KMT2E: variants seen among roughly 807,000 people sequenced by gnomAD.
KMT2E encodes lysine methyltransferase 2E (inactive), also known as histone reader KMT2E.
In KMT2E, 30 loss-of-function variants were observed where a neutral mutation model predicts 184.6. That is an observed-to-expected ratio of 0.16 (90% CI 0.12 to 0.22). KMT2E has a LOEUF of 0.22. Among genes scored for constraint, KMT2E ranks in the 10% least tolerant of loss-of-function variants. The pLI is 1.00. For missense variants in KMT2E, 2,023 were observed against 2,237.4 expected (o/e 0.90, Z 1.93); for synonymous variants, 815 against 776.5 (o/e 1.05, Z -0.82).
chr7:105,080,873 C>T (rs186050911), intron 12 of KMT2E, among the ~76,000 whole-genome samples: 55 of 152,060 alleles, frequency 3.6e-4, no homozygotes, highest in South Asian at 1.7e-3. Flanking sequence ...TGTGGTGGCA[C>T]GCACCTGTAG....
In KMT2E at chr7:105,041,129, A is replaced by G. The variant is rs570397292; in HGVS notation, c.71+106A>G. ...GAAAATATTAAATTTCTTCTTTCCT[A>G]GCCATTTTTTAAAGTAAAAAAAAAA... On this transcript the variant is annotated intron_variant, in intron 3 of 26. Coordinates refer to ENST00000311117, the MANE Select transcript of KMT2E (RefSeq NM_182931.3). 19 of 619,876 alleles carry G rather than the reference A, an allele frequency of 3.1e-5. No individual in the cohort carries two copies. In the East Asian group the frequency reaches 5.4e-4, roughly 18 times the overall value. 38.4% of individuals were successfully genotyped at this position (619,876 alleles called of 1,614,324 possible). A position where few individuals can be genotyped will look rare whatever the true frequency, so the allele number is the denominator to read the frequency against.
intron 1 of KMT2E, among the ~76,000 whole-genome samples, chr7:105,037,604 C>T (rs1795712576): frequency 6.6e-6 from 1 of 152,284 alleles, no homozygotes; most frequent in African/African-American, 2.4e-5. Context: ...CTCAAGTAGT[C>T]TGCCTGCCTC....
At position 105,114,512 on chromosome 7, in the gene KMT2E, T is replaced by C. The variant is rs141198772; in HGVS notation, c.*1179T>C. ...AGTGAACGTTTTTATTGCTAAAATA[T>C]AAAATGCTAGTTAGTTATTAATTAT... On this transcript the variant is annotated 3_prime_UTR_variant, in exon 27 of 27. Coordinates refer to ENST00000311117, the MANE Select transcript of KMT2E (RefSeq NM_182931.3). Among the ~76,000 whole-genome samples, 637 of 152,292 alleles carry C rather than the reference T, an allele frequency of 4.2e-3. 21 individuals are homozygous for C. The East Asian group carries it at 0.073, about 18-fold the overall frequency.
At chr7:105,046,997 C>T (rs917535747) in intron 3 of KMT2E, among the ~76,000 whole-genome samples, 3 of 152,080 alleles carry the variant, frequency 2.0e-5, no homozygotes, top group South Asian at 2.1e-4. Context: ...GAATCCAAAG[C>T]GAAATCAGCA....
chr7:105,112,649 A>T lies in KMT2E; in HGVS notation c.4893A>T (p.Pro1631=), dbSNP rs771928015. Residue 1631 remains proline (P), a synonymous_variant, in exon 27 of 27, where the codon CCA becomes CCT. Transcript: ENST00000311117. ...CTGCCGTAGTCCCCCCTCCTCCTCC[A>T]CCACCACCTGCTCCAGGACCGCACC... ...TAAAVVPPPP[P]PPPAPGPHLV... The T allele has an allele frequency of 3.7e-6, 6 of 1,612,784 alleles. No homozygotes were observed. In the Admixed American group the frequency reaches 5.0e-5, roughly 13 times the overall value.
chr7:105,022,833 T>C lies in KMT2E; in HGVS notation c.-189+8298T>C, dbSNP rs376269927. Among the ~76,000 whole-genome samples the C allele has an allele frequency of 3.3e-5, 5 of 152,320 alleles. No homozygotes were observed. In the East Asian group the frequency reaches 9.6e-4, roughly 29 times the overall value. ...TGATTTGTTTCTGGATAGTTGGGAT[T>C]GTGGGAGTTTCGTTTTCTTGTTTTT... On this transcript the variant is annotated intron_variant, in intron 1 of 26. Coordinates refer to ENST00000311117, the MANE Select transcript of KMT2E (RefSeq NM_182931.3).
At chr7:105,063,324 G>T in intron 4 of KMT2E, 27 bp from the exon 5 acceptor site, 1 of 1,427,764 alleles carries the variant, frequency 7.0e-7, no homozygotes, top group Admixed American at 2.0e-5. Context: ...AAATAATATT[G>T]TGCTATATTT....
intron 8 of KMT2E, 112 bp downstream of exon 8, chr7:105,074,927 C>G: frequency 1.4e-6 from 1 of 725,828 alleles, no homozygotes; most frequent in East Asian, 3.2e-5. Flanking sequence ...AAGGATCTAG[C>G]AGAAGTTTTT....
At chr7:105,051,833 G>A (rs1467351538) in intron 3 of KMT2E, among the ~76,000 whole-genome samples, 2 of 152,038 alleles carry the variant, frequency 1.3e-5, no homozygotes, top group Non-Finnish European at 1.5e-5. Context: ...GGCTGGTCTC[G>A]AACTCCTGAC....
chr7:105,075,963 T>C, intron 8 of KMT2E, 80 bp from the exon 9 acceptor site: 1 of 1,142,916 alleles, frequency 8.7e-7, no homozygotes, highest in Non-Finnish European at 1.3e-6. Context: ...AGTTAAAAGT[T>C]TCAATGAACC....
intron 1 of KMT2E, among the ~76,000 whole-genome samples, chr7:105,016,936 C>G (rs377049546): frequency 6.6e-6 from 1 of 152,296 alleles, no homozygotes; most frequent in African/African-American, 2.4e-5. Flanking sequence ...ACTGAGCACA[C>G]AACCTTACTT....
intron 6 of KMT2E, among the ~76,000 whole-genome samples, chr7:105,070,632 C>CAA (rs57911728): frequency 2.5e-3 from 146 of 59,078 alleles, no homozygotes; most frequent in Non-Finnish European, 3.1e-3. Flanking sequence ...GACTGTGTCT[C>CAA]AAAAAAAAAA....
chr7:105,058,268 G>T (rs1437963358), intron 3 of KMT2E, among the ~76,000 whole-genome samples: 2 of 151,890 alleles, frequency 1.3e-5, no homozygotes, highest in African/African-American at 2.4e-5. Context: ...TTATAGGTGG[G>T]ACTGTGTGCT....
chr7:105,038,947 A>G (rs1240147228), intron 2 of KMT2E, among the ~76,000 whole-genome samples: 1 of 152,172 alleles, frequency 6.6e-6, no homozygotes, highest in African/African-American at 2.4e-5. Flanking sequence ...AATCAAATTC[A>G]GAGTCTGCAG....
intron 3 of KMT2E, among the ~76,000 whole-genome samples, chr7:105,057,618 A>AT (rs1024113244): frequency 1.2e-4 from 18 of 151,548 alleles, no homozygotes; most frequent in African/African-American, 4.1e-4. Flanking sequence ...TGCCCAGCTA[A>AT]TTTTTTCATT....
intron 14 of KMT2E, among the ~76,000 whole-genome samples, chr7:105,090,991 T>C (rs1490388915): frequency 1.3e-5 from 2 of 152,184 alleles, no homozygotes; most frequent in Non-Finnish European, 2.9e-5. Context: ...TTGACCTATA[T>C]TGATAAAAAC....
intron 1 of KMT2E, among the ~76,000 whole-genome samples, chr7:105,032,512 T>G (rs972122639): frequency 6.6e-6 from 1 of 152,188 alleles, no homozygotes; most frequent in African/African-American, 2.4e-5. Context: ...ACTTATTTAT[T>G]TTTTTTAGAG....
At chr7:105,069,612 A>G (rs1040522483) in intron 6 of KMT2E, among the ~76,000 whole-genome samples, 8 of 152,250 alleles carry the variant, frequency 5.3e-5, no homozygotes, top group African/African-American at 9.6e-5. Flanking sequence ...TGATTTTTAA[A>G]AAATTAAATG....
chr7:105,014,874 A>G (rs1297758955), intron 1 of KMT2E, among the ~76,000 whole-genome samples: 2 of 152,010 alleles, frequency 1.3e-5, no homozygotes, highest in Admixed American at 6.5e-5. Flanking sequence ...TGTGACTGTT[A>G]GTAGGGTTTG....
Sources: allele counts gnomAD v4.1 joint callset (sites outside exome capture counted in the v4.1 genomes callset), GRCh38; gene constraint gnomAD v4.1.1; transcripts MANE v1.5; gene names NCBI Gene and HGNC (gene_info 2026-07-23, HGNC 2026-07-21).